PDGFRL: variants seen among roughly 807,000 people sequenced by gnomAD.
PDGFRL encodes platelet derived growth factor receptor like.
In PDGFRL, 46 loss-of-function variants were observed where a neutral mutation model predicts 37.2. The ratio of observed to expected loss-of-function variants is 1.24; its 90% CI spans 0.98 to 1.58. The LOEUF (loss-of-function observed/expected upper bound fraction) is 1.58, where lower values mean the gene tolerates loss of function less well. Ranked by LOEUF, PDGFRL falls within the 40% of genes most tolerant of loss-of-function variation. The probability of loss-of-function intolerance (pLI) is 0.00; values close to 1 mark genes in which losing one functional copy is unlikely to be tolerated. For synonymous variants in PDGFRL, 251 were observed against 184.3 expected (o/e 1.36, Z -2.93); for missense variants, 692 against 467.6 (o/e 1.48, Z -4.43).
intron 3 of PDGFRL, among the ~76,000 whole-genome samples, chr8:17,627,273 G>GTAGGA (rs1804752596): frequency 6.6e-6 from 1 of 152,174 alleles, no homozygotes; most frequent in African/African-American, 2.4e-5. Flanking sequence ...TGAGTTTGCT[G>GTAGGA]TAATTTGGAT....
chr8:17,641,547 A>G (rs1466519125), intron 5 of PDGFRL, among the ~76,000 whole-genome samples: 1 of 152,238 alleles, frequency 6.6e-6, no homozygotes, highest in Admixed American at 6.5e-5. Flanking sequence ...TGCTGTGAGC[A>G]GACATCCACC....
chr8:17,622,578 A>G (rs2129772603), intron 3 of PDGFRL, among the ~76,000 whole-genome samples: 1 of 152,354 alleles, frequency 6.6e-6, no homozygotes, highest in Non-Finnish European at 1.5e-5. Flanking sequence ...CTGGAAGCAC[A>G]TGTATCTCAT....
chr8:17,587,966 CTG>C (rs1488597414), intron 1 of PDGFRL, among the ~76,000 whole-genome samples: 4 of 151,758 alleles, frequency 2.6e-5, no homozygotes, highest in Non-Finnish European at 4.4e-5. Context: ...GTGGACACAA[CTG>C]TGTGGCTGCA....
intron 5 of PDGFRL, among the ~76,000 whole-genome samples, chr8:17,639,516 A>C (rs1449628181): frequency 6.6e-6 from 1 of 152,146 alleles, no homozygotes; most frequent in African/African-American, 2.4e-5. Flanking sequence ...AAAAGACTGT[A>C]TCTCTCCTTC....
In PDGFRL at chr8:17,589,781, T is replaced by A. The variant is rs200089731; in HGVS notation, c.353+16T>A. On this transcript the variant is annotated intron_variant, in intron 2 of 5. Coordinates refer to ENST00000251630, the MANE Select transcript of PDGFRL (RefSeq NM_001372073.1). ...CTCGCCTCAGGTAAGCATTTTTTTT[T>A]AAAACTGTGTAGGGTTGAGGATTTG... 6.2e-5 allele frequency: 93 copies of A among 1,496,880 alleles called. No homozygotes were observed. The highest frequency in any genetic ancestry group is 1.1e-4 in the Admixed American group (6 of 54,890). 92.7% of individuals were successfully genotyped at this position (1,496,880 alleles called of 1,614,324 possible).
At chr8:17,633,264 A>T (rs1804899624) in intron 4 of PDGFRL, among the ~76,000 whole-genome samples, 1 of 152,170 alleles carries the variant, frequency 6.6e-6, no homozygotes, top group Non-Finnish European at 1.5e-5. Context: ...AAAAACTGAA[A>T]AACTAGCCAG....
intron 5 of PDGFRL, among the ~76,000 whole-genome samples, chr8:17,638,007 CT>C (rs1466927070): frequency 6.6e-6 from 1 of 152,040 alleles, no homozygotes; most frequent in African/African-American, 2.4e-5. Flanking sequence ...AAAGAATCAG[CT>C]TTTTGTTTAT....
At chr8:17,593,892 AAAAAAAAAG>A (rs1231892829) in intron 2 of PDGFRL, among the ~76,000 whole-genome samples, 1 of 151,380 alleles carries the variant, frequency 6.6e-6, no homozygotes, top group Non-Finnish European at 1.5e-5. Context: ...CCATCTCAAA[AAAAAAAAAG>A]AAAAAAAAAG....
chr8:17,612,940 C>T (rs1380990316), intron 2 of PDGFRL, among the ~76,000 whole-genome samples: 1 of 152,006 alleles, frequency 6.6e-6, no homozygotes, highest in East Asian at 1.9e-4. Flanking sequence ...ATTAACTTTT[C>T]CCGTAATCTA....
intron 1 of PDGFRL, among the ~76,000 whole-genome samples, chr8:17,584,609 G>A (rs1803776563): frequency 6.6e-6 from 1 of 152,052 alleles, no homozygotes; most frequent in Non-Finnish European, 1.5e-5. Flanking sequence ...CATGTGAATC[G>A]AGTTTTTCAA....
At chr8:17,621,705 C>T (rs753573654) in intron 3 of PDGFRL, among the ~76,000 whole-genome samples, 6 of 152,210 alleles carry the variant, frequency 3.9e-5, no homozygotes, top group East Asian at 1.9e-4. Context: ...TTCCCTTTAT[C>T]ACAGAAAGTT....
intron 3 of PDGFRL, among the ~76,000 whole-genome samples, chr8:17,621,787 C>T (rs1804640213): frequency 6.6e-6 from 1 of 152,146 alleles, no homozygotes; most frequent in African/African-American, 2.4e-5. Flanking sequence ...TTTTTGGAAA[C>T]TCCATAGGAT....
intron 2 of PDGFRL, among the ~76,000 whole-genome samples, chr8:17,600,631 T>C (rs1804146721): frequency 7.2e-6 from 1 of 139,594 alleles, no homozygotes; most frequent in South Asian, 2.2e-4. Context: ...AAGACCCCCA[T>C]CTCTAAAAAA....
chr8:17,615,046 A>G (rs1162665188), intron 2 of PDGFRL, among the ~76,000 whole-genome samples: 1 of 152,242 alleles, frequency 6.6e-6, no homozygotes, highest in East Asian at 1.9e-4. Flanking sequence ...TGCTTAGCAC[A>G]TATTAAACAC....
chr8:17,608,997 T>A (rs145956129), intron 2 of PDGFRL, among the ~76,000 whole-genome samples: 1 of 152,076 alleles, frequency 6.6e-6, no homozygotes, highest in South Asian at 2.1e-4. Flanking sequence ...GGCAGGAGGA[T>A]CACTTGAGCC....
intron 2 of PDGFRL, among the ~76,000 whole-genome samples, chr8:17,605,546 G>A (rs1407433337): frequency 1.3e-5 from 2 of 152,110 alleles, no homozygotes; most frequent in Non-Finnish European, 2.9e-5. Flanking sequence ...AGAATTCTTG[G>A]CACCGCGCTG....
At chr8:17,593,901 G>A (rs377498747) in intron 2 of PDGFRL, among the ~76,000 whole-genome samples, 2 of 84,526 alleles carry the variant, frequency 2.4e-5, no homozygotes, top group Non-Finnish European at 5.6e-5. Flanking sequence ...AAAAAAAAAA[G>A]AAAAAAAAAG....
chr8:17,577,237 G>A lies in PDGFRL; in HGVS notation c.-16G>A, dbSNP rs371634940. 1.2e-6 allele frequency: 2 copies of A among 1,611,440 alleles called. No homozygotes were observed. The highest frequency in any genetic ancestry group is 1.7e-6 in the Non-Finnish European group (2 of 1,179,076). On this transcript the variant is annotated 5_prime_UTR_variant, in exon 1 of 6. Transcript: ENST00000251630. ...AGCCGCCGCGCTCCTGCGCTCCGAG[G>A]TCCGAGGTTCCCGAGATGAAGGTCT...
At position 17,638,788 on chromosome 8, in the gene PDGFRL, A is replaced by T. The variant is rs542715654; in HGVS notation, c.940-3825A>T. ...ATATATATATATATATATATATATA[A>T]TTGTGATATTTTCCTGTTGGGCAAG... On this transcript the variant is annotated intron_variant, in intron 5 of 5. Coordinates refer to ENST00000251630, the MANE Select transcript of PDGFRL (RefSeq NM_001372073.1). 6.6e-4 allele frequency among the ~76,000 whole-genome samples: 47 copies of T among 71,576 alleles called. 1 individual carries two copies. Among genetic ancestry groups the T allele is most frequent in the African/African-American group, 1.4e-3 (29 of 20,656 alleles). 47.0% of individuals were successfully genotyped at this position (71,576 alleles called of 152,430 possible). A position where few individuals can be genotyped will look rare whatever the true frequency, so the allele number is the denominator to read the frequency against.
Sources: gnomAD v4.1 joint callset for allele counts (sites outside exome capture counted in the v4.1 genomes callset) on GRCh38, gnomAD v4.1.1 for gene constraint, MANE v1.5 for transcripts, NCBI Gene and HGNC (gene_info 2026-07-23, HGNC 2026-07-21) for gene names.